Variants in ARAP1 observed in about 807,000 individuals in gnomAD.
ARAP1 encodes ArfGAP with RhoGAP domain, ankyrin repeat and PH domain 1, also known as arf-GAP with Rho-GAP domain, ANK repeat and PH domain-containing protein 1.
ARAP1 carries 76 observed loss-of-function variants against 172.2 expected under a neutral mutation model. The ratio of observed to expected loss-of-function variants is 0.44; its 90% confidence interval spans 0.37 to 0.53. The LOEUF (loss-of-function observed/expected upper bound fraction) is 0.53, where lower values mean the gene tolerates loss of function less well. Ranked by LOEUF, ARAP1 falls within the 20% of genes least tolerant of loss-of-function variation. The pLI is 0.00. For missense variants in ARAP1, 1,686 were observed against 1,977.5 expected, an observed-to-expected ratio of 0.85 and a Z score of 2.80; for synonymous variants, 804 against 803.3, an observed-to-expected ratio of 1.00 and a Z score of -0.01.
chr11:72,737,467 C>A (rs1858066375), intron 1 of ARAP1, among the ~76,000 whole-genome samples: 1 of 152,134 alleles, frequency 6.6e-6, no homozygotes, highest in Non-Finnish European at 1.5e-5. Context: ...ATATCTCTAC[C>A]CACTACTGAC....
Position 72,741,965 on chromosome 11 carries a change from G to C in ARAP1, c.-127-9368C>G, listed in dbSNP as rs1379275097. Among the ~76,000 whole-genome samples, 2 of 152,170 alleles carry C rather than the reference G, an allele frequency of 1.3e-5. No homozygotes were observed. Among genetic ancestry groups the C allele is most frequent in the Non-Finnish European group, 2.9e-5 (2 of 68,014 alleles). On this transcript the variant is annotated intron_variant, in intron 1 of 34. Transcript: ENST00000393609. The surrounding 1 kb of genome is among the most constrained non-coding windows in gnomAD (Gnocchi z 4.5). ...GGGACCCAGACCTGCCTACTCTCTA[G>C]ATGGCCCCTGGAATGCAGAAGACAG...
At chr11:72,742,904 A>G (rs1252995094) in intron 1 of ARAP1, among the ~76,000 whole-genome samples, 1 of 152,196 alleles carries the variant, frequency 6.6e-6, no homozygotes, top group African/African-American at 2.4e-5. Flanking sequence ...AGGCCTGTGC[A>G]ACCTGTCCCT....
In ARAP1 at chr11:72,693,896, C is replaced by T. The variant is rs891958759; in HGVS notation, c.3695-91G>A. ...TGGGCACATATCACCTACACATCCCCTGTCCACTCCAACCATATGCAAGTG... is the reference window on the plus strand; with the variant it reads ...TGGGCACATATCACCTACACATCCCTTGTCCACTCCAACCATATGCAAGTG... On this transcript the variant is annotated intron_variant, in intron 27 of 34. Coordinates refer to ENST00000393609, the MANE Select transcript of ARAP1 (RefSeq NM_001040118.3). The surrounding 1 kb of genome is among the most constrained non-coding windows in gnomAD (Gnocchi z 4.6). 6 of 1,027,990 alleles carry T rather than the reference C, an allele frequency of 5.8e-6. No individual in the cohort carries two copies. The highest frequency in any genetic ancestry group is 2.4e-5 in the Admixed American group (1 of 42,358). The allele number at this position is 1,027,990 out of a possible 1,614,324, so 63.7% of individuals were successfully genotyped here. A position where few individuals can be genotyped will look rare whatever the true frequency, so the allele number is the denominator to read the frequency against.
At chr11:72,738,682 A>G (rs114715767) in intron 1 of ARAP1, among the ~76,000 whole-genome samples, 2,742 of 152,074 alleles carry the variant, frequency 0.018, 81 homozygotes, top group African/African-American at 0.062. Context: ...GAGCTCCCCA[A>G]CAGGAACCAA....
chr11:72,730,135 A>G (rs998589413), intron 2 of ARAP1, among the ~76,000 whole-genome samples: 1 of 152,204 alleles, frequency 6.6e-6, no homozygotes, highest in African/African-American at 2.4e-5. Context: ...CATTTTCCTA[A>G]AAGTTGAAAA....
chr11:72,685,899 A>G (rs770817669), intron 34 of ARAP1, 143 bp downstream of exon 34: 26 of 1,494,324 alleles, frequency 1.7e-5, no homozygotes, highest in African/African-American at 2.8e-5. Flanking sequence ...AAAGAGGCCT[A>G]TGAGGGCCCC....
rs1857671309 is a variant in ARAP1 at position 72,725,846 on chromosome 11, C to T, written c.509+774G>A. Among the ~76,000 whole-genome samples, 3 of 152,306 alleles carry T rather than the reference C, an allele frequency of 2.0e-5. No individual in the cohort carries two copies. In the South Asian group the frequency reaches 6.2e-4, roughly 32 times the overall value. ...CACACCCCTTCCTCCTCCAAGAAGC[C>T]TTCCAAGATTAGCCTCACTTCGCCC... On this transcript the variant is annotated intron_variant, in intron 3 of 34. Transcript: ENST00000393609. This position sits in a 1 kb window ranked among gnomAD's most constrained non-coding sequence, Gnocchi z 4.3.
chr11:72,747,476 C>T (rs1858402568), intron 1 of ARAP1, among the ~76,000 whole-genome samples: 1 of 152,152 alleles, frequency 6.6e-6, no homozygotes, highest in Non-Finnish European at 1.5e-5. Context: ...GGAGAAAAGA[C>T]TTGGACCTTG....
chr11:72,748,855 A>C (rs1858450181), intron 1 of ARAP1, among the ~76,000 whole-genome samples: 1 of 152,128 alleles, frequency 6.6e-6, no homozygotes, highest in Non-Finnish European at 1.5e-5. Flanking sequence ...CTCTGATCAG[A>C]GCTGGGGACA....
chr11:72,726,558 C>T lies in ARAP1; in HGVS notation c.509+62G>A, dbSNP rs1857696995. 2 of 1,442,232 alleles carry T rather than the reference C, an allele frequency of 1.4e-6. No individual in the cohort carries two copies. The highest frequency in any genetic ancestry group is 1.4e-5 in the African/African-American group (1 of 70,114). The allele number at this position is 1,442,232 out of a possible 1,614,324, so 89.3% of individuals were successfully genotyped here. On this transcript the variant is annotated intron_variant, in intron 3 of 34. Coordinates refer to ENST00000393609, the MANE Select transcript of ARAP1 (RefSeq NM_001040118.3). This position sits in a 1 kb window ranked among gnomAD's most constrained non-coding sequence, Gnocchi z 6.5. The stretch of plus-strand genomic sequence containing the variant: ...ACCCCAGCACCAAAGGCCACAAACT[C>T]CCCATCTACCCTCTGGGATCCTCTG...
Position 72,699,528 on chromosome 11 carries a change from A to G in ARAP1, c.2327T>C (p.Leu776Pro). 6.2e-7 allele frequency: 1 copy of G among 1,613,522 alleles called. No individual in the cohort carries two copies. The highest frequency in any genetic ancestry group is 8.5e-7 in the Non-Finnish European group (1 of 1,179,806). The stretch of plus-strand genomic sequence containing the variant: ...AAAGTAGCTCAGGACCCCGTCACCA[A>G]GGACACACCAGCGCCGGCTGAACTC... ...REEFSRRWCV[L>P]GDGVLSYFEN... The change falls in exon 17 of 35, where the codon CTT (leucine) becomes CCT (proline). Residue 776 changes from leucine (L) to proline (P), a missense_variant. This residue lies in a region of ARAP1 where 688 missense variants were observed against 856.9 expected (regional missense o/e 0.80). Transcript: ENST00000393609. The surrounding 1 kb of genome is among the most constrained non-coding windows in gnomAD (Gnocchi z 4.2).
chr11:72,705,680 T>C, intron 13 of ARAP1, 125 bp downstream of exon 13: 1 of 1,031,808 alleles, frequency 9.7e-7, no homozygotes, highest in Non-Finnish European at 1.4e-6. Flanking sequence ...CACTAGATTA[T>C]CACAAAGGGT....
chr11:72,745,650 G>T (rs1858343870), intron 1 of ARAP1, among the ~76,000 whole-genome samples: 1 of 152,118 alleles, frequency 6.6e-6, no homozygotes, highest in African/African-American at 2.4e-5. Context: ...GCTGCAGGCT[G>T]GGGCTGGGAA....
intron 7 of ARAP1, among the ~76,000 whole-genome samples, chr11:72,711,811 T>C (rs1857025147): frequency 6.8e-6 from 1 of 147,540 alleles, no homozygotes; most frequent in South Asian, 2.2e-4. Flanking sequence ...TTCTCCCACC[T>C]CAGTCTCCCA....
At chr11:72,705,772 C>T in intron 13 of ARAP1, 33 bp downstream of exon 13, 1 of 1,612,612 alleles carries the variant, frequency 6.2e-7, no homozygotes, top group Non-Finnish European at 8.5e-7. Context: ...GGGGCAGACC[C>T]CAAGTATCGG....
rs1288302620 is a variant in ARAP1, at chr11:72,699,139, C to T, written c.2439-32G>A. 2 of 1,608,438 alleles carry T rather than the reference C, an allele frequency of 1.2e-6. No individual in the cohort carries two copies. The highest frequency in any genetic ancestry group is 2.7e-5 in the African/African-American group (2 of 74,930). ...ATACACAGGCCAGGACTCAGGCCCA[C>T]CTCATCCAGCACGGGCCCACCCCCA... On this transcript the variant is annotated intron_variant, in intron 17 of 34. Transcript: ENST00000393609. This position sits in a 1 kb window ranked among gnomAD's most constrained non-coding sequence, Gnocchi z 4.2.
chr11:72,736,820 G>A (rs977996583), intron 1 of ARAP1, among the ~76,000 whole-genome samples: 7 of 152,150 alleles, frequency 4.6e-5, no homozygotes, highest in African/African-American at 9.7e-5. Context: ...GTTTACAGAC[G>A]AAGAAACAAA....
chr11:72,732,159 A>G (rs959578987), intron 2 of ARAP1, among the ~76,000 whole-genome samples: 8 of 152,184 alleles, frequency 5.3e-5, no homozygotes, highest in African/African-American at 1.4e-4. Context: ...GTAAATAAAA[A>G]TTAAAAGGGA....
Position 72,710,854 on chromosome 11 carries a change from T to C in ARAP1, c.1213+167A>G, listed in dbSNP as rs1007996505. ...GTGACCGTGCCAAGCACAGAGCCGG[T>C]CACAGAGGGTGCCCCCTTCCTCTGC... On this transcript the variant is annotated intron_variant, in intron 9 of 34. Transcript: ENST00000393609. The surrounding 1 kb of genome is among the most constrained non-coding windows in gnomAD (Gnocchi z 4.3). 7.9e-5 allele frequency among the ~76,000 whole-genome samples: 12 copies of C among 152,138 alleles called. No individual in the cohort carries two copies. Among genetic ancestry groups the C allele is most frequent in the African/African-American group, 2.7e-4 (11 of 41,422 alleles).
Sources: allele counts gnomAD v4.1 joint callset (sites outside exome capture counted in the v4.1 genomes callset), GRCh38; gene constraint gnomAD v4.1.1; regional missense constraint gnomAD v4.1.1; non-coding constraint Gnocchi (gnomAD v3.1); transcripts MANE v1.5; gene names NCBI Gene and HGNC (gene_info 2026-07-23, HGNC 2026-07-21).